The following AGMO variants were observed in gnomAD, a reference collection of about 807,000 sequenced individuals.
AGMO encodes glyceryl-ether monooxygenase.
In AGMO, 75 loss-of-function variants were observed where a neutral mutation model predicts 60.2. The observed-to-expected ratio is 1.25, with a 90% CI of 1.03 to 1.51. The LOEUF (loss-of-function observed/expected upper bound fraction) is 1.51, where lower values mean the gene tolerates loss of function less well. AGMO is among the 40% of genes most tolerant of loss of function. The pLI, the probability that AGMO is intolerant of heterozygous loss-of-function variation, is 0.00. For missense variants in AGMO, 763 were observed against 525.5 expected (o/e 1.45, Z -4.42); for synonymous variants, 261 against 177.1 (o/e 1.47, Z -3.76).
chr7:15,207,283 A>C (rs1373650621), intron 12 of AGMO, among the ~76,000 whole-genome samples: 4 of 152,232 alleles, frequency 2.6e-5, no homozygotes, highest in Non-Finnish European at 2.9e-5. Flanking sequence ...GCATAAAGTG[A>C]AAATAGATGC....
At chr7:15,244,694 C>T (rs2128504158) in intron 12 of AGMO, among the ~76,000 whole-genome samples, 1 of 152,236 alleles carries the variant, frequency 6.6e-6, no homozygotes, top group Non-Finnish European at 1.5e-5. Flanking sequence ...CACTGTCGCC[C>T]AGGCTGGAGT....
At chr7:15,398,962 ATAAAAATAAT>A (rs1400641739) in intron 5 of AGMO, among the ~76,000 whole-genome samples, 2 of 152,204 alleles carry the variant, frequency 1.3e-5, no homozygotes, top group Non-Finnish European at 2.9e-5. Context: ...TTTCCATTGA[ATAAAAATAAT>A]TTAAACTTTT....
At chr7:15,359,205 C>G (rs1431961057) in intron 12 of AGMO, among the ~76,000 whole-genome samples, 1 of 149,632 alleles carries the variant, frequency 6.7e-6, no homozygotes, top group Non-Finnish European at 1.5e-5. Context: ...AGGAGAAATG[C>G]ATGAACCCAG....
chr7:15,188,482 T>G, the AGMO span, among the ~76,000 whole-genome samples: 1 of 152,132 alleles, frequency 6.6e-6, no homozygotes, highest in African/African-American at 2.4e-5. Flanking sequence ...ATAAGTATAC[T>G]GTCAATAAGG....
intron 3 of AGMO, among the ~76,000 whole-genome samples, chr7:15,511,064 TAAGA>T (rs1783659573): frequency 6.6e-6 from 1 of 152,054 alleles, no homozygotes; most frequent in Non-Finnish European, 1.5e-5. Flanking sequence ...TACATACATT[TAAGA>T]AAGACTAATA....
At chr7:15,302,141 T>C (rs1780463203) in intron 12 of AGMO, among the ~76,000 whole-genome samples, 1 of 152,196 alleles carries the variant, frequency 6.6e-6, no homozygotes, top group African/African-American at 2.4e-5. Context: ...TTAATTATCC[T>C]TTTGAGTCAA....
intron 12 of AGMO, among the ~76,000 whole-genome samples, chr7:15,279,546 T>C (rs937481314): frequency 2.0e-5 from 3 of 152,264 alleles, no homozygotes; most frequent in South Asian, 2.1e-4. Flanking sequence ...AGGTCGTGGA[T>C]TGGAGGCAAT....
At chr7:15,240,703 T>G (rs899875727) in intron 12 of AGMO, among the ~76,000 whole-genome samples, 6 of 152,164 alleles carry the variant, frequency 3.9e-5, no homozygotes, top group Admixed American at 6.5e-5. Context: ...TGTTTAAAAT[T>G]ATAATCTATA....
chr7:15,304,535 A>G (rs1292763305), intron 12 of AGMO, among the ~76,000 whole-genome samples: 1 of 152,120 alleles, frequency 6.6e-6, no homozygotes, highest in Non-Finnish European at 1.5e-5. Context: ...ACAGAAATAT[A>G]AGGAAGATAA....
chr7:15,348,177 G>C (rs1782103462), intron 12 of AGMO, among the ~76,000 whole-genome samples: 1 of 152,018 alleles, frequency 6.6e-6, no homozygotes. Context: ...GTTTAGCACA[G>C]TCTCATGTTC....
Position 15,208,428 on chromosome 7 carries a change from T to C in AGMO, c.1264-7069A>G, listed in dbSNP as rs886098866. Among the ~76,000 whole-genome samples the C allele has an allele frequency of 3.3e-5, 5 of 152,304 alleles. No individual in the cohort carries two copies. In the East Asian group the frequency reaches 9.6e-4, roughly 29 times the overall value. ...ACCATGGAACCTCATGTTCTTTACT[T>C]TTTATGGATATGAGAAGAAAATTTT... On this transcript the variant is annotated intron_variant, in intron 12 of 12. Transcript: ENST00000342526.
chr7:15,125,211 T>C, the AGMO span, among the ~76,000 whole-genome samples: 1 of 152,222 alleles, frequency 6.6e-6, no homozygotes, highest in South Asian at 2.1e-4. Context: ...AGATATTTGA[T>C]AGCTGCTTCT....
intron 12 of AGMO, among the ~76,000 whole-genome samples, chr7:15,280,853 C>T (rs1278834568): frequency 6.6e-6 from 1 of 152,218 alleles, no homozygotes; most frequent in African/African-American, 2.4e-5. Context: ...AAAGCCAACA[C>T]ACTATGGCTA....
chr7:15,431,177 A>G (rs964393926), intron 3 of AGMO, 69 bp from the exon 4 acceptor site: 1 of 1,086,938 alleles, frequency 9.2e-7, no homozygotes, highest in African/African-American at 1.6e-5. Context: ...TCAGTTATGC[A>G]TGCTGCTCTG....
intron 10 of AGMO, 56 bp from the exon 11 acceptor site, chr7:15,366,278 A>C: frequency 7.3e-7 from 1 of 1,375,858 alleles, no homozygotes; most frequent in Non-Finnish European, 1.0e-6. Context: ...TAAAAGGTAC[A>C]CGAACGGTTA....
intron 12 of AGMO, among the ~76,000 whole-genome samples, chr7:15,243,457 T>TA (rs1782650970): frequency 6.6e-6 from 1 of 152,220 alleles, no homozygotes; most frequent in Non-Finnish European, 1.5e-5. Context: ...TATTCTCTGT[T>TA]TGGGAATTGG....
chr7:15,260,931 A>C (rs530041316), intron 12 of AGMO, among the ~76,000 whole-genome samples: 1 of 152,190 alleles, frequency 6.6e-6, no homozygotes. Flanking sequence ...GTCAACAATG[A>C]AATCAAGATG....
intron 12 of AGMO, among the ~76,000 whole-genome samples, chr7:15,356,901 T>A (rs1005806875): frequency 1.4e-5 from 2 of 146,846 alleles, no homozygotes; most frequent in Non-Finnish European, 3.0e-5. Flanking sequence ...TGAAGTCAGG[T>A]GTTCGAGACC....
chr7:15,552,795 A>G (rs1481477447), intron 2 of AGMO, among the ~76,000 whole-genome samples: 1 of 149,492 alleles, frequency 6.7e-6, no homozygotes, highest in Non-Finnish European at 1.5e-5. Flanking sequence ...TAGAAATACC[A>G]TTTGACCCAG....
Sources: gnomAD v4.1 joint callset for allele counts (sites outside exome capture counted in the v4.1 genomes callset) on GRCh38, gnomAD v4.1.1 for gene constraint, MANE v1.5 for transcripts, NCBI Gene and HGNC (gene_info 2026-07-23, HGNC 2026-07-21) for gene names.